Variants in SENP6 observed in about 807,000 individuals in gnomAD.
SENP6 encodes sentrin-specific protease 6.
In SENP6, 41 loss-of-function variants were observed where a neutral mutation model predicts 134.5. The ratio of observed to expected loss-of-function variants is 0.30; its 90% CI spans 0.24 to 0.40. SENP6 has a LOEUF of 0.40. Ranked by LOEUF, SENP6 falls within the 10% of genes least tolerant of loss-of-function variation. SENP6 has a pLI of 1.00. For missense variants in SENP6, 1,248 were observed against 1,312.5 expected (o/e 0.95, Z 0.76); for synonymous variants, 395 against 429.8 (o/e 0.92, Z 1.00).
intron 23 of SENP6, among the ~76,000 whole-genome samples, chr6:75,715,150 G>C (rs1214844743): frequency 6.6e-6 from 1 of 152,052 alleles, no homozygotes; most frequent in Non-Finnish European, 1.5e-5. Flanking sequence ...AGAAACAGGT[G>C]GTGGGCAGAA....
At chr6:75,616,745 CAAAA>C (rs1227499332) in intron 1 of SENP6, among the ~76,000 whole-genome samples, 1 of 59,000 alleles carries the variant, frequency 1.7e-5, no homozygotes, top group African/African-American at 6.5e-5. Context: ...GACTCCATCT[CAAAA>C]AAAAAAAAAA....
chr6:75,683,124 T>C (rs911060079), intron 16 of SENP6, among the ~76,000 whole-genome samples: 1 of 152,210 alleles, frequency 6.6e-6, no homozygotes, highest in South Asian at 2.1e-4. Context: ...GGTTATCTCA[T>C]TGTGGTTTTT....
intron 11 of SENP6, among the ~76,000 whole-genome samples, chr6:75,671,067 T>G (rs1772637303): frequency 6.6e-6 from 1 of 152,192 alleles, no homozygotes; most frequent in Non-Finnish European, 1.5e-5. Flanking sequence ...TCCAGAAGTT[T>G]TGGGGTTTGC....
chr6:75,678,301 G>T, intron 14 of SENP6: 1 of 248,598 alleles, frequency 4.0e-6, no homozygotes, highest in Non-Finnish European at 7.5e-6. Context: ...AATTTTACCA[G>T]CATTATTTAA....
At chr6:75,641,804 C>T (rs1770051350) in intron 6 of SENP6, among the ~76,000 whole-genome samples, 1 of 151,750 alleles carries the variant, frequency 6.6e-6, no homozygotes, top group South Asian at 2.1e-4. Flanking sequence ...ATAGGAAGGC[C>T]CTGTCTCTAC....
At chr6:75,649,036 G>T (rs543526427) in intron 7 of SENP6, among the ~76,000 whole-genome samples, 1 of 152,156 alleles carries the variant, frequency 6.6e-6, no homozygotes, top group South Asian at 2.1e-4. Flanking sequence ...GCCTGGTATG[G>T]TGGCTCACAC....
intron 8 of SENP6, among the ~76,000 whole-genome samples, chr6:75,661,560 A>G (rs1771775277): frequency 2.6e-5 from 4 of 152,240 alleles, no homozygotes; most frequent in Non-Finnish European, 5.9e-5. Flanking sequence ...TATTAAACAC[A>G]GCAATAATTG....
At position 75,615,997 on chromosome 6, in the gene SENP6, C is replaced by T. The variant is rs184637450; in HGVS notation, c.53-5535C>T. 5.5e-4 allele frequency among the ~76,000 whole-genome samples: 84 copies of T among 152,226 alleles called. 1 individual carries two copies. Among genetic ancestry groups the T allele is most frequent in the Middle Eastern group, 3.4e-3 (1 of 294 alleles). ...ACTATACTAGTTCCTATTCATCCAC[C>T]GAATGTTTATCTTTTTTCACTTTTG... On this transcript the variant is annotated intron_variant, in intron 1 of 23. Transcript: ENST00000447266.
At chr6:75,683,463 T>TA (rs1324156243) in intron 16 of SENP6, among the ~76,000 whole-genome samples, 1 of 152,216 alleles carries the variant, frequency 6.6e-6, no homozygotes, top group African/African-American at 2.4e-5. Context: ...AGTCATGAAG[T>TA]CCTTGCCCAT....
intron 17 of SENP6, among the ~76,000 whole-genome samples, chr6:75,697,142 A>T (rs1774715004): frequency 6.6e-6 from 1 of 152,146 alleles, no homozygotes; most frequent in South Asian, 2.1e-4. Flanking sequence ...TTCTGCAGTA[A>T]TAAAAATAGT....
At chr6:75,692,256 A>T (rs1197978147) in intron 16 of SENP6, among the ~76,000 whole-genome samples, 1 of 152,220 alleles carries the variant, frequency 6.6e-6, no homozygotes, top group East Asian at 1.9e-4. Flanking sequence ...ATGTACACTT[A>T]AAAAATCTAG....
chr6:75,673,319 CTTTTTTT>C (rs373435139), intron 11 of SENP6, among the ~76,000 whole-genome samples: 1 of 116,956 alleles, frequency 8.6e-6, no homozygotes, highest in African/African-American at 3.3e-5. Context: ...CCAATGTCTA[CTTTTTTT>C]TTTTTTTTTT....
chr6:75,679,048 A>G (rs567204827), intron 16 of SENP6, 121 bp downstream of exon 16: 6 of 588,300 alleles, frequency 1.0e-5, no homozygotes, highest in Middle Eastern at 4.6e-4. Context: ...TTACTGTGTG[A>G]CATTTGGGGA....
At chr6:75,660,725 C>T (rs1277863065) in intron 8 of SENP6, among the ~76,000 whole-genome samples, 1 of 151,950 alleles carries the variant, frequency 6.6e-6, no homozygotes, top group African/African-American at 2.4e-5. Context: ...CTCCACCTCC[C>T]GGTTCAAGCA....
At chr6:75,653,565 C>A (rs1020937075) in intron 7 of SENP6, among the ~76,000 whole-genome samples, 1 of 151,572 alleles carries the variant, frequency 6.6e-6, no homozygotes, top group East Asian at 1.9e-4. Flanking sequence ...TCCCTCAATG[C>A]GTTTGGGTGA....
intron 6 of SENP6, among the ~76,000 whole-genome samples, chr6:75,644,745 A>G (rs1272633648): frequency 6.6e-6 from 1 of 152,174 alleles, no homozygotes; most frequent in African/African-American, 2.4e-5. Context: ...TTGGCCTCCC[A>G]AAGTGTTGGG....
In SENP6 at chr6:75,649,732, G is replaced by C. The variant is rs112847620; in HGVS notation, c.550+1931G>C. Reference sequence around the variant, plus strand: ...AAGTTTCACCATGTTGGCCAGACTGGTCTCAAACTCCTGACCTCGTGATCC... The same window carrying C: ...AAGTTTCACCATGTTGGCCAGACTGCTCTCAAACTCCTGACCTCGTGATCC... On this transcript the variant is annotated intron_variant, in intron 7 of 23. Coordinates refer to ENST00000447266, the MANE Select transcript of SENP6 (RefSeq NM_015571.4). Among the ~76,000 whole-genome samples the C allele has an allele frequency of 3.1e-3, 473 of 152,222 alleles. 5 individuals are homozygous for C. Among genetic ancestry groups the C allele is most frequent in the African/African-American group, 0.011 (452 of 41,538 alleles).
chr6:75,607,225 G>A (rs923288116), intron 1 of SENP6, among the ~76,000 whole-genome samples: 1 of 152,022 alleles, frequency 6.6e-6, no homozygotes, highest in African/African-American at 2.4e-5. Context: ...CTTGAGCCCA[G>A]GAGGGCGAGG....
rs139361933 is a variant in SENP6, at chr6:75,669,526, C to T, written c.1225-1027C>T. On this transcript the variant is annotated intron_variant, in intron 10 of 23. Coordinates refer to ENST00000447266, the MANE Select transcript of SENP6 (RefSeq NM_015571.4). Reference sequence around the variant, plus strand: ...AATGGGAATGGTGGACATTCTTTTCCCTTATTTTCTGTCAAGATATTGTTT... The same window carrying T: ...AATGGGAATGGTGGACATTCTTTTCTCTTATTTTCTGTCAAGATATTGTTT... Among the ~76,000 whole-genome samples, 17 of 151,748 alleles carry T rather than the reference C, an allele frequency of 1.1e-4. No homozygotes were observed. In the East Asian group the frequency reaches 3.3e-3, roughly 29 times the overall value.
Sources: allele counts gnomAD v4.1 joint callset (sites outside exome capture counted in the v4.1 genomes callset), GRCh38; gene constraint gnomAD v4.1.1; transcripts MANE v1.5; gene names NCBI Gene and HGNC (gene_info 2026-07-23, HGNC 2026-07-21).